PLXND1: variants seen among roughly 807,000 people sequenced by gnomAD.
The protein encoded by PLXND1 is plexin D1.
Under a neutral mutation model 197.7 loss-of-function variants are expected in PLXND1, and 54 were observed. That is an observed-to-expected ratio of 0.27 (90% CI 0.22 to 0.34). The LOEUF is 0.34. Ranked by LOEUF, PLXND1 falls within the 10% of genes least tolerant of loss-of-function variation. The pLI is 1.00. For synonymous variants in PLXND1, 1,180 were observed against 1,161.2 expected (o/e 1.02, Z -0.33); for missense variants, 2,127 against 2,699.2 (o/e 0.79, Z 4.70).
chr3:129,587,302 A>G (rs2085476189), intron 2 of PLXND1, among the ~76,000 whole-genome samples: 5 of 152,226 alleles, frequency 3.3e-5, no homozygotes, highest in Admixed American at 3.3e-4. Context: ...TGAAGAGATC[A>G]CAAGGCTACA....
chr3:129,605,911 C>G lies in PLXND1; in HGVS notation c.729G>C (p.Leu243=), dbSNP rs1345940212. Residue 243 remains leucine, a synonymous_variant, in exon 1 of 36, where the codon CTG becomes CTC. Coordinates refer to ENST00000324093, the MANE Select transcript of PLXND1 (RefSeq NM_015103.3). ...ENTPEIAIRS[L]DTRGDLAKLF... ...GCTTGGCCAGGTCGCCGCGCGTGTC[C>G]AGGGAGCGGATGGCGATCTCGGGCG... The G allele has an allele frequency of 1.9e-6, 3 of 1,613,098 alleles. No individual in the cohort carries two copies. The African/African-American group carries it at 4.0e-5, about 22-fold the overall frequency.
chr3:129,557,233 G>C lies in PLXND1; in HGVS notation c.5446-10C>G. 1 of 1,614,050 alleles carries C rather than the reference G, an allele frequency of 6.2e-7. No homozygotes were observed. Among genetic ancestry groups the C allele is most frequent in the Non-Finnish European group, 8.5e-7 (1 of 1,179,982 alleles). ...TGTTGGTTGGCGAATCCTGGGCAGA[G>C]AAGAGCGAGGGTGTTAGATGGCTGC... On this transcript the variant is annotated splice_polypyrimidine_tract_variant and intron_variant, in intron 33 of 35. Transcript: ENST00000324093. The surrounding 1 kb of genome is among the most constrained non-coding windows in gnomAD (Gnocchi z 4.8).
At chr3:129,560,237 C>G (rs1196107158) in intron 31 of PLXND1, 93 bp downstream of exon 31, 1 of 778,990 alleles carries the variant, frequency 1.3e-6, no homozygotes, top group Non-Finnish European at 2.2e-6. Flanking sequence ...CTCCCAGCCG[C>G]GGGTGCACAG....
At chr3:129,602,302 T>C (rs1159223033) in intron 1 of PLXND1, among the ~76,000 whole-genome samples, 1 of 152,102 alleles carries the variant, frequency 6.6e-6, no homozygotes, top group African/African-American at 2.4e-5. Context: ...GGCCCTTGTG[T>C]CATGTGCTTC....
In PLXND1 at chr3:129,572,657, G is replaced by C. The variant is rs1485515307; in HGVS notation, c.3029C>G (p.Ser1010Cys). The C allele has an allele frequency of 6.2e-7, 1 of 1,602,916 alleles. No individual in the cohort carries two copies. The highest frequency in any genetic ancestry group is 2.2e-5 in the East Asian group (1 of 44,756). Residue 1010 changes from serine (S) to cysteine (C), a missense_variant, in exon 15 of 36, where the codon TCC becomes TGC. Transcript: ENST00000324093. ...TIHGNDLHVGSELQVLVNDTD... is the reference protein window; with the variant it reads ...TIHGNDLHVGCELQVLVNDTD... ...GTCGTTCACCAGGACCTGGAGCTCG[G>C]AGCCTACATGGAGGTCATTCCCATG...
intron 25 of PLXND1, 75 bp from the exon 26 acceptor site, chr3:129,563,315 A>C (rs2085090365): frequency 5.5e-6 from 7 of 1,262,530 alleles, no homozygotes; most frequent in African/African-American, 1.5e-5. Flanking sequence ...AAACACCTTC[A>C]CGCCCCCGTC....
At chr3:129,571,622 T>G in intron 16 of PLXND1, 23 bp from the exon 17 acceptor site, 1 of 1,613,836 alleles carries the variant, frequency 6.2e-7, no homozygotes, top group South Asian at 1.1e-5. Flanking sequence ...GCAAAACCTA[T>G]CAGTGCACCT....
chr3:129,572,537 C>T (rs1291165151), intron 15 of PLXND1, 72 bp downstream of exon 15: 2 of 1,348,922 alleles, frequency 1.5e-6, no homozygotes, highest in African/African-American at 3.0e-5. Flanking sequence ...AGGATGTCAC[C>T]TCCAGCCCGC....
At position 129,606,542 on chromosome 3, in the gene PLXND1, A is replaced by G; in HGVS notation, c.98T>C (p.Leu33Pro). The change falls in exon 1 of 36, where the codon CTG (leucine) becomes CCG (proline). Residue 33 changes from leucine to proline, a missense_variant. Around this residue, in one of 6 missense-constraint regions of PLXND1, gnomAD observed 245 missense variants for 267.1 expected, o/e 0.92. Transcript: ENST00000324093. ...FQTPPRCPVP[L>P]LLLLLLGAAR... ...CGCCCCCAGGAGCAGCAGCAACAGC[A>G]GCGGCACCGGGCACCGCGGCGGCGT... is the stretch of plus-strand genomic sequence containing the variant. 2.3e-6 allele frequency: 3 copies of G among 1,315,472 alleles called. No homozygotes were observed. The highest frequency in any genetic ancestry group is 2.9e-6 in the Non-Finnish European group (3 of 1,034,636). The allele number at this position is 1,315,472 out of a possible 1,614,324, so 81.5% of individuals were successfully genotyped here.
In PLXND1 at chr3:129,555,666, GC is replaced by G. The variant is rs932342442; in HGVS notation, c.*645del. ...TGGAGACGGGGCTCCCAGCTCCTGT[GC>G]CCCCCATCCCTCCCCTCCACCCTCC... is the stretch of plus-strand genomic sequence containing the variant. On this transcript the variant is annotated 3_prime_UTR_variant, in exon 36 of 36. Transcript: ENST00000324093. 8 of 543,646 alleles carry G rather than the reference GC, an allele frequency of 1.5e-5. No homozygotes were observed. The highest frequency in any genetic ancestry group is 2.6e-5 in the Non-Finnish European group (8 of 312,116). 33.7% of individuals were successfully genotyped at this position (543,646 alleles called of 1,614,324 possible). A position where few individuals can be genotyped will look rare whatever the true frequency, so the allele number is the denominator to read the frequency against.
chr3:129,600,853 G>A lies in PLXND1; in HGVS notation c.1311+4476C>T, dbSNP rs533235332. Among the ~76,000 whole-genome samples, 6 of 152,124 alleles carry A rather than the reference G, an allele frequency of 3.9e-5. No individual in the cohort carries two copies. In the East Asian group the frequency reaches 1.2e-3, roughly 29 times the overall value. On this transcript the variant is annotated intron_variant, in intron 1 of 35. Coordinates refer to ENST00000324093, the MANE Select transcript of PLXND1 (RefSeq NM_015103.3). ...TGGTGCAAAAAAATGTCTTCTTGAC[G>A]ACGTGCACCCACCCACTGCATGCCA...
chr3:129,566,426 C>A, intron 23 of PLXND1, 101 bp downstream of exon 23: 1 of 772,066 alleles, frequency 1.3e-6, no homozygotes. Flanking sequence ...CCCAACTCCG[C>A]ATGACAGGGA....
intron 1 of PLXND1, among the ~76,000 whole-genome samples, chr3:129,604,082 C>T (rs1462971875): frequency 2.0e-5 from 3 of 152,180 alleles, no homozygotes; most frequent in Non-Finnish European, 4.4e-5. Context: ...AGTCCCCTCC[C>T]GCACCCTTGT....
chr3:129,596,187 C>T (rs1576279318), intron 1 of PLXND1, among the ~76,000 whole-genome samples: 2 of 152,078 alleles, frequency 1.3e-5, no homozygotes, highest in Admixed American at 6.5e-5. Flanking sequence ...ATGCAGACCA[C>T]GGAGCAGAGG....
At chr3:129,579,770 G>A (rs1030704170) in intron 8 of PLXND1, among the ~76,000 whole-genome samples, 2 of 152,240 alleles carry the variant, frequency 1.3e-5, no homozygotes, top group Non-Finnish European at 2.9e-5. Context: ...CATGGGCCAC[G>A]TGTGTCCACG....
chr3:129,584,218 T>G lies in PLXND1; in HGVS notation c.2045A>C (p.Glu682Ala). Residue 682 changes from glutamate (E) to alanine (A), a missense_variant, in exon 7 of 36, where the codon GAG (glutamate) becomes GCG (alanine). Physicochemically the swap from Glu to Ala is moderately radical, Grantham distance 107. Transcript: ENST00000324093. ...FPPNQDHVTVEMSVRVNGRNI... is the reference protein window; with the variant it reads ...FPPNQDHVTVAMSVRVNGRNI... Reference sequence around the variant, plus strand: ...CCGCCCATTGACCCTCACAGACATCTCAACAGTCACGTGGTCTGGAATGGA... The same window carrying G: ...CCGCCCATTGACCCTCACAGACATCGCAACAGTCACGTGGTCTGGAATGGA... 6.3e-7 allele frequency: 1 copy of G among 1,595,896 alleles called. No homozygotes were observed. The highest frequency in any genetic ancestry group is 1.1e-5 in the South Asian group (1 of 88,814).
intron 8 of PLXND1, among the ~76,000 whole-genome samples, chr3:129,579,065 C>T (rs548658215): frequency 2.4e-4 from 36 of 152,262 alleles, no homozygotes; most frequent in African/African-American, 6.7e-4. Flanking sequence ...GGAAGGGCCC[C>T]GGGCTCATGG....
At chr3:129,588,428 GC>G (rs57913087) in intron 2 of PLXND1, among the ~76,000 whole-genome samples, 14,322 of 152,016 alleles carry the variant, frequency 0.094, 896 homozygotes, top group East Asian at 0.25. Context: ...GAAGAAACTG[GC>G]CCCAAGTCAC....
At position 129,558,288 on chromosome 3, in the gene PLXND1, T is replaced by G; in HGVS notation, c.5445+140A>C. The G allele has an allele frequency of 1.3e-6, 1 of 759,418 alleles. No individual in the cohort carries two copies. The highest frequency in any genetic ancestry group is 1.7e-5 in the African/African-American group (1 of 57,590). The allele number at this position is 759,418 out of a possible 1,614,324, so 47.0% of individuals were successfully genotyped here. On this transcript the variant is annotated intron_variant, in intron 33 of 35. Coordinates refer to ENST00000324093, the MANE Select transcript of PLXND1 (RefSeq NM_015103.3). The surrounding 1 kb of genome is among the most constrained non-coding windows in gnomAD (Gnocchi z 4.1). ...GTCTGAATGAGTCACTCATCCCACA[T>G]CCCCTAGACCTGAGATCTTTTGGTT...
Sources: gnomAD v4.1 joint callset for allele counts (sites outside exome capture counted in the v4.1 genomes callset) on GRCh38, gnomAD v4.1.1 for gene constraint, gnomAD v4.1.1 regional missense constraint, Gnocchi (gnomAD v3.1) non-coding constraint, MANE v1.5 for transcripts, NCBI Gene and HGNC (gene_info 2026-07-23, HGNC 2026-07-21) for gene names.